The following CRADD variants were observed in gnomAD, a reference collection of about 807,000 sequenced individuals.
The protein encoded by CRADD is CARD and death domain containing adaptor protein, also known as death domain-containing protein CRADD.
CRADD carries 9 observed loss-of-function variants against 15.5 expected under a neutral mutation model. The ratio of observed to expected loss-of-function variants is 0.58; its 90% CI spans 0.35 to 1.01. CRADD has a LOEUF of 1.01. CRADD is among the 50% of genes least tolerant of loss of function. The pLI is 0.02. For missense variants in CRADD, 227 were observed against 250.3 expected, an observed-to-expected ratio of 0.91 and a Z score of 0.63; for synonymous variants, 118 against 107.6, an observed-to-expected ratio of 1.10 and a Z score of -0.60.
chr12:93,741,214 T>C (rs1267573605), intron 2 of CRADD, among the ~76,000 whole-genome samples: 1 of 152,236 alleles, frequency 6.6e-6, no homozygotes, highest in Non-Finnish European at 1.5e-5. Flanking sequence ...TCTGACTGCA[T>C]TGCTTTAAGA....
intron 2 of CRADD, among the ~76,000 whole-genome samples, chr12:93,746,725 A>G (rs529035258): frequency 1.4e-3 from 211 of 152,296 alleles, no homozygotes; most frequent in Non-Finnish European, 2.5e-3. Context: ...ATCTGAATAA[A>G]TACAGTTCTA....
At chr12:93,858,272 A>G (rs1024002578) in intron 2 of CRADD, among the ~76,000 whole-genome samples, 5 of 152,264 alleles carry the variant, frequency 3.3e-5, no homozygotes, top group Admixed American at 6.5e-5. Context: ...GACATTCATT[A>G]GTAAGAAATA....
intron 2 of CRADD, among the ~76,000 whole-genome samples, chr12:93,718,948 T>TG (rs1476216139): frequency 1.3e-5 from 2 of 151,920 alleles, no homozygotes; most frequent in Non-Finnish European, 2.9e-5. Flanking sequence ...TTTGTAGAGA[T>TG]GGGGTTTTGT....
chr12:93,892,215 G>C (rs561749407), intron 2 of CRADD, among the ~76,000 whole-genome samples: 13 of 152,250 alleles, frequency 8.5e-5, no homozygotes, highest in African/African-American at 3.1e-4. Context: ...TGTGCTGATC[G>C]GCAGGTACAC....
chr12:93,689,551 T>A (rs1259408657), intron 2 of CRADD, among the ~76,000 whole-genome samples: 2 of 152,236 alleles, frequency 1.3e-5, no homozygotes, highest in Non-Finnish European at 2.9e-5. Flanking sequence ...GTTTTACTCC[T>A]AGGCTTTATT....
intron 2 of CRADD, among the ~76,000 whole-genome samples, chr12:93,803,215 C>T (rs564251541): frequency 1.3e-5 from 2 of 152,134 alleles, no homozygotes; most frequent in African/African-American, 2.4e-5. Context: ...ACTGAGGTCT[C>T]GTCAATGGAA....
At chr12:93,795,148 C>T (rs1957400761) in intron 2 of CRADD, among the ~76,000 whole-genome samples, 1 of 152,148 alleles carries the variant, frequency 6.6e-6, no homozygotes, top group African/African-American at 2.4e-5. Context: ...TTGTCTTGTT[C>T]AGTGCTGTAT....
At chr12:93,876,347 A>C (rs539122129) in intron 2 of CRADD, among the ~76,000 whole-genome samples, 1 of 152,256 alleles carries the variant, frequency 6.6e-6, no homozygotes, top group East Asian at 1.9e-4. Context: ...TTGTACTTGA[A>C]TGTTGATACC....
In CRADD at chr12:93,700,227, G is replaced by A. The variant is rs1226102147; in HGVS notation, c.298+21155G>A. Among the ~76,000 whole-genome samples the A allele has an allele frequency of 2.0e-5, 3 of 152,138 alleles. No individual in the cohort carries two copies. The South Asian group carries it at 6.2e-4, about 32-fold the overall frequency. ...TTCCGTCAATGTCATGGTTTTCTGA[G>A]TTATGCACCTGCCACTTACTTTAGG... On this transcript the variant is annotated intron_variant, in intron 2 of 2. Transcript: ENST00000332896.
intron 2 of CRADD, among the ~76,000 whole-genome samples, chr12:93,789,279 G>A (rs1237222578): frequency 6.6e-6 from 1 of 152,032 alleles, no homozygotes; most frequent in Non-Finnish European, 1.5e-5. Context: ...GGATTGCCTG[G>A]GAAGCTGGAG....
chr12:93,853,333 G>A (rs1416041037), downstream of CRADD, among the ~76,000 whole-genome samples: 1 of 152,072 alleles, frequency 6.6e-6, no homozygotes. Flanking sequence ...TGCTTTACAA[G>A]TGGCATCTTT....
intron 2 of CRADD, among the ~76,000 whole-genome samples, chr12:93,841,123 ATTGAG>A (rs1339552393): frequency 6.6e-6 from 1 of 152,148 alleles, no homozygotes; most frequent in African/African-American, 2.4e-5. Flanking sequence ...GGATTGATAT[ATTGAG>A]TTAAGTGGTA....
chr12:93,722,486 T>C (rs1247089935), intron 2 of CRADD, among the ~76,000 whole-genome samples: 1 of 152,066 alleles, frequency 6.6e-6, no homozygotes, highest in African/African-American at 2.4e-5. Context: ...TGTTAAACCT[T>C]GTATACTTGT....
chr12:93,699,077 G>T (rs1314678108), intron 2 of CRADD, among the ~76,000 whole-genome samples: 2 of 152,150 alleles, frequency 1.3e-5, no homozygotes, highest in Non-Finnish European at 2.9e-5. Flanking sequence ...AAAAGCTTTG[G>T]TTTTTTTCTT....
At chr12:93,781,045 C>T (rs752542692) in intron 2 of CRADD, among the ~76,000 whole-genome samples, 5 of 151,870 alleles carry the variant, frequency 3.3e-5, no homozygotes, top group African/African-American at 7.3e-5. Context: ...TGTGAGCCAC[C>T]GTGCCCAGCC....
At chr12:93,821,316 A>G (rs1251318554) in intron 2 of CRADD, among the ~76,000 whole-genome samples, 1 of 152,134 alleles carries the variant, frequency 6.6e-6, no homozygotes, top group African/African-American at 2.4e-5. Flanking sequence ...CCCTGTAGAC[A>G]TTGGCATTTT....
At position 93,779,161 on chromosome 12, in the gene CRADD, A is replaced by G. The variant is rs116357235; in HGVS notation, c.299-70809A>G. 2.8e-3 allele frequency among the ~76,000 whole-genome samples: 423 copies of G among 152,276 alleles called. 2 individuals are homozygous for G. The highest frequency in any genetic ancestry group is 9.6e-3 in the African/African-American group (399 of 41,566). On this transcript the variant is annotated intron_variant, in intron 2 of 2. Coordinates refer to ENST00000332896, the MANE Select transcript of CRADD (RefSeq NM_003805.5). ...TTGATGAGGACTTTAATTCTACCCA[A>G]TGTCTGATCAATGTTTCATTCCATA...
At position 93,768,503 on chromosome 12, in the gene CRADD, T is replaced by A. The variant is rs551488419; in HGVS notation, c.299-81467T>A. On this transcript the variant is annotated intron_variant, in intron 2 of 2. Transcript: ENST00000332896. The stretch of plus-strand genomic sequence containing the variant: ...AGGCAGCAGGTGGTTTTTTTTTTTT[T>A]ATGAATCCTCACTTTCACTAGCTTT... Among the ~76,000 whole-genome samples the A allele has an allele frequency of 1.8e-4, 27 of 151,990 alleles. No individual in the cohort carries two copies. In the East Asian group the frequency reaches 4.2e-3, roughly 24 times the overall value.
In CRADD at chr12:93,846,228, C is replaced by T. The variant is rs1249161211; in HGVS notation, c.299-3742C>T. Among the ~76,000 whole-genome samples the T allele has an allele frequency of 2.6e-5, 4 of 152,206 alleles. No individual in the cohort carries two copies. In the East Asian group the frequency reaches 7.7e-4, roughly 29 times the overall value. On this transcript the variant is annotated intron_variant, in intron 2 of 2. Coordinates refer to ENST00000332896, the MANE Select transcript of CRADD (RefSeq NM_003805.5). ...CCACCTTTGGCTATTGTGAATAACG[C>T]TGCTATGAACATAGGTGTACGAATT...
Sources: gnomAD v4.1 joint callset for allele counts (sites outside exome capture counted in the v4.1 genomes callset) on GRCh38, gnomAD v4.1.1 for gene constraint, MANE v1.5 for transcripts, NCBI Gene and HGNC (gene_info 2026-07-23, HGNC 2026-07-21) for gene names.